VWF: variants seen among roughly 807,000 people sequenced by gnomAD.
VWF encodes Factor VIII related antigen.
A neutral mutation model predicts 308.6 loss-of-function variants in VWF; 176 were observed. That is an observed-to-expected ratio of 0.57 (90% confidence interval 0.50 to 0.65). The LOEUF is 0.65. Among genes scored for constraint, VWF ranks in the 30% least tolerant of loss-of-function variants. VWF has a pLI of 0.00. For missense variants in VWF, 3,146 were observed against 3,648.2 expected (o/e 0.86, Z 3.55); for synonymous variants, 1,385 against 1,443.4 (o/e 0.96, Z 0.92).
At chr12:5,962,933 A>G (rs946826612) in intron 47 of VWF, among the ~76,000 whole-genome samples, 1 of 152,328 alleles carries the variant, frequency 6.6e-6, no homozygotes, top group East Asian at 1.9e-4. Context: ...CCCACTGGAT[A>G]GCCACATGGG....
chr12:6,111,191 T>C (rs1443735204), intron 3 of VWF, among the ~76,000 whole-genome samples: 1 of 152,196 alleles, frequency 6.6e-6, no homozygotes, highest in African/African-American at 2.4e-5. Flanking sequence ...TGCCCTCAGG[T>C]AGGCTCTCAA....
In VWF at chr12:5,969,400, C is replaced by T. The variant is rs772773846; in HGVS notation, c.7549-9G>A. On this transcript the variant is annotated splice_polypyrimidine_tract_variant and intron_variant, in intron 44 of 51. Coordinates refer to ENST00000261405, the MANE Select transcript of VWF (RefSeq NM_000552.5). ...GCCCACTGGGAGCCGACCTGCAGGG[C>T]ACCAGAGTTAGTCCAACAAGCTGGG... is the stretch of plus-strand genomic sequence containing the variant. The T allele has an allele frequency of 8.1e-6, 13 of 1,614,042 alleles. No individual in the cohort carries two copies. In the African/African-American group the frequency reaches 1.5e-4, roughly 18 times the overall value.
At chr12:6,022,252 C>T (rs1944137520) in intron 26 of VWF, among the ~76,000 whole-genome samples, 1 of 152,066 alleles carries the variant, frequency 6.6e-6, no homozygotes, top group Admixed American at 6.5e-5. Context: ...GATTCCTTCA[C>T]CCTACCTCAC....
intron 5 of VWF, among the ~76,000 whole-genome samples, chr12:6,105,365 A>G (rs901095836): frequency 6.6e-6 from 1 of 152,038 alleles, no homozygotes; most frequent in African/African-American, 2.4e-5. Context: ...AGTAGCTAGG[A>G]TTACAGGCAT....
At chr12:5,973,589 T>C (rs1943501235) in intron 43 of VWF, among the ~76,000 whole-genome samples, 1 of 152,170 alleles carries the variant, frequency 6.6e-6, no homozygotes, top group Admixed American at 6.5e-5. Flanking sequence ...CAGGACGAGC[T>C]CTGGGCTCGG....
At chr12:6,104,871 T>C (rs1945223593) in intron 5 of VWF, among the ~76,000 whole-genome samples, 1 of 152,086 alleles carries the variant, frequency 6.6e-6, no homozygotes, top group Non-Finnish European at 1.5e-5. Flanking sequence ...CAACAGATGA[T>C]TAGATGAAGA....
In VWF at chr12:5,952,469, A is replaced by G; in HGVS notation, c.8037T>C (p.Asn2679=). The stretch of plus-strand genomic sequence containing the variant: ...TCTCCCAGAAGTACTCTCCTCTCTC[A>G]TTGACCTTGCAGAAGTGAGTATCAC... The part of the protein sequence containing the change: ...DGCDTHFCKV[N]ERGEYFWEKR... The change falls in exon 49 of 52, where the codon AAT becomes AAC. Residue 2679 remains asparagine (N), a synonymous_variant. Coordinates refer to ENST00000261405, the MANE Select transcript of VWF (RefSeq NM_000552.5). 1 of 1,614,112 alleles carries G rather than the reference A, an allele frequency of 6.2e-7. No homozygotes were observed. Among genetic ancestry groups the G allele is most frequent in the Non-Finnish European group, 8.5e-7 (1 of 1,179,986 alleles).
Position 5,983,794 on chromosome 12 carries a change from G to GAGATAGATAGAT in VWF, c.6977-552_6977-541dup, listed in dbSNP as rs11268064. ...ATAGGATAGATAACTAGATACAATA[G>GAGATAGATAGAT]AGATAGATAGATAGATAGATAGATG... is the stretch of plus-strand genomic sequence containing the variant. On this transcript the variant is annotated intron_variant, in intron 40 of 51. Transcript: ENST00000261405. Among the ~76,000 whole-genome samples the GAGATAGATAGAT allele has an allele frequency of 7.7e-3, 1,144 of 148,774 alleles. 6 individuals carry two copies. Among genetic ancestry groups the GAGATAGATAGAT allele is most frequent in the East Asian group, 0.03 (143 of 4,798 alleles).
intron 5 of VWF, among the ~76,000 whole-genome samples, chr12:6,097,501 G>GAC (rs944920909): frequency 6.6e-6 from 1 of 152,004 alleles, no homozygotes; most frequent in African/African-American, 2.4e-5. Context: ...GACGGGCAAA[G>GAC]ACACACACAC....
In VWF at chr12:6,016,778, C is replaced by A. The variant is rs1194776238; in HGVS notation, c.5146G>T (p.Ala1716Ser). ...CCTATATTGGCTTTTGAAATGAAAG[C>A]CTTGGCGAAACTCTTCATTTCATCA... Reference protein sequence around the residue: ...YFDEMKSFAKAFISKANIGPR... With the variant: ...YFDEMKSFAKSFISKANIGPR... Residue 1716 changes from alanine (A) to serine (S), a missense_variant, in exon 29 of 52, where the codon GCT becomes TCT. Physicochemically the swap from Ala to Ser is moderately conservative, Grantham distance 99 (BLOSUM62 1). This residue lies in a region of VWF where 853 missense variants were observed against 1,177.8 expected (regional missense o/e 0.72). Transcript: ENST00000261405. The A allele has an allele frequency of 6.2e-7, 1 of 1,614,132 alleles. No homozygotes were observed. Among genetic ancestry groups the A allele is most frequent in the Non-Finnish European group, 8.5e-7 (1 of 1,180,052 alleles).
intron 3 of VWF, among the ~76,000 whole-genome samples, chr12:6,115,504 A>C (rs747881147): frequency 3.0e-4 from 46 of 152,186 alleles, no homozygotes; most frequent in Admixed American, 7.9e-4. Flanking sequence ...TTCATATCAT[A>C]TTTACCCTTG....
chr12:5,961,023 A>C (rs974152425), intron 47 of VWF, among the ~76,000 whole-genome samples: 1 of 152,126 alleles, frequency 6.6e-6, no homozygotes, highest in Non-Finnish European at 1.5e-5. Flanking sequence ...TTAGATTCTC[A>C]CAGGAGCCCA....
chr12:5,955,125 A>G (rs1305993266), intron 47 of VWF, among the ~76,000 whole-genome samples: 1 of 152,234 alleles, frequency 6.6e-6, no homozygotes, highest in Non-Finnish European at 1.5e-5. Flanking sequence ...AATTTCATGC[A>G]AAGAAATAGA....
rs371953822 is a variant in VWF at position 6,110,439 on chromosome 12, T to C, written c.467A>G (p.Asn156Ser). 3.7e-6 allele frequency: 6 copies of C among 1,614,214 alleles called. No homozygotes were observed. Among genetic ancestry groups the C allele is most frequent in the East Asian group, 4.5e-5 (2 of 44,892 alleles). The change falls in exon 5 of 52, where the codon AAC becomes AGC. Residue 156 changes from asparagine (N) to serine (S), a missense_variant. By Grantham distance (46) the Asn-to-Ser change is conservative. Around this residue, in one of 3 missense-constraint regions of VWF, gnomAD observed 1,304 missense variants for 1,353.0 expected, o/e 0.96. Coordinates refer to ENST00000261405, the MANE Select transcript of VWF (RefSeq NM_000552.5). ...FQVLLSDRYF[N>S]KTCGLCGNFN... ...GTTGCCACACAGCCCGCAGGTCTTGTTGAAGTATCTGTCTGACAGCAGGAC... is the reference window on the plus strand; with the variant it reads ...GTTGCCACACAGCCCGCAGGTCTTGCTGAAGTATCTGTCTGACAGCAGGAC...
Position 5,991,951 on chromosome 12 carries a change from G to T in VWF, c.6666C>A (p.Gly2222=), listed in dbSNP as rs199831766. The change falls in exon 38 of 52, where the codon GGC becomes GGA. Residue 2222 remains glycine (G), a synonymous_variant. Coordinates refer to ENST00000261405, the MANE Select transcript of VWF (RefSeq NM_000552.5). ...CEHGCPRHCD[G]NVSSCGDHPS... is the part of the protein sequence containing the mutation. ...GATGGTCCCCACAGGAGCTCACGTT[G>T]CCATCACAGTGCCGGGGACAGCCAT... 20 of 1,614,238 alleles carry T rather than the reference G, an allele frequency of 1.2e-5. No individual in the cohort carries two copies. The East Asian group carries it at 4.0e-4, about 32-fold the overall frequency.
At chr12:6,124,023 A>G (rs1037477074) in intron 1 of VWF, among the ~76,000 whole-genome samples, 1 of 152,142 alleles carries the variant, frequency 6.6e-6, no homozygotes, top group African/African-American at 2.4e-5. Flanking sequence ...GCCAAAGGTG[A>G]AATCAAGCCA....
chr12:6,053,075 G>C (rs1017825223), intron 15 of VWF, among the ~76,000 whole-genome samples: 10 of 152,186 alleles, frequency 6.6e-5, no homozygotes, highest in Non-Finnish European at 5.9e-5. Flanking sequence ...TATAATTATG[G>C]GGGCACACAT....
intron 6 of VWF, among the ~76,000 whole-genome samples, chr12:6,076,838 G>C (rs891434092): frequency 5.3e-5 from 8 of 152,336 alleles, no homozygotes; most frequent in African/African-American, 1.7e-4. Flanking sequence ...TGGGCCTCCT[G>C]TTTTGCGGCG....
At chr12:6,008,549 T>C (rs1482503175) in intron 34 of VWF, among the ~76,000 whole-genome samples, 1 of 151,898 alleles carries the variant, frequency 6.6e-6, no homozygotes, top group East Asian at 1.9e-4. Flanking sequence ...TTAATGAAAA[T>C]ACCACAGCTA....
Sources: gnomAD v4.1 joint callset for allele counts (sites outside exome capture counted in the v4.1 genomes callset) on GRCh38, gnomAD v4.1.1 for gene constraint, gnomAD v4.1.1 regional missense constraint, MANE v1.5 for transcripts, NCBI Gene and HGNC (gene_info 2026-07-23, HGNC 2026-07-21) for gene names.